Variants in RBFOX3 observed in about 807,000 individuals in gnomAD.
The protein encoded by RBFOX3 is RNA binding fox-1 homolog 3, also known as RNA binding protein fox-1 homolog 3.
Under a neutral mutation model 48.7 loss-of-function variants are expected in RBFOX3, and 17 were observed. That is an observed-to-expected ratio of 0.35 (90% CI 0.24 to 0.52). The LOEUF is 0.52. Ranked by LOEUF, RBFOX3 falls within the 20% of genes least tolerant of loss-of-function variation. The probability of loss-of-function intolerance (pLI) is 0.94; values close to 1 mark genes in which losing one functional copy is unlikely to be tolerated. For missense variants in RBFOX3, 382 were observed against 497.5 expected, an observed-to-expected ratio of 0.77 and a Z score of 2.21; for synonymous variants, 212 against 209.5, an observed-to-expected ratio of 1.01 and a Z score of -0.10.
chr17:79,168,291 C>T (rs1022718238), intron 4 of RBFOX3, among the ~76,000 whole-genome samples: 1 of 152,244 alleles, frequency 6.6e-6, no homozygotes, highest in African/African-American at 2.4e-5. Flanking sequence ...TACTTCCAAC[C>T]CTAAATTAAA....
At chr17:79,257,528 G>T (rs1248920071) in intron 3 of RBFOX3, among the ~76,000 whole-genome samples, 1 of 152,246 alleles carries the variant, frequency 6.6e-6, no homozygotes, top group Non-Finnish European at 1.5e-5. Flanking sequence ...CCAAAGGGCT[G>T]CAGGGCCCAT....
intron 2 of RBFOX3, among the ~76,000 whole-genome samples, chr17:79,389,243 G>A (rs554338450): frequency 9.7e-4 from 147 of 152,306 alleles, no homozygotes; most frequent in African/African-American, 1.3e-3. Context: ...GGTGTGCAAC[G>A]AGAGTTGGTG....
intron 2 of RBFOX3, among the ~76,000 whole-genome samples, chr17:79,456,058 T>C (rs1598770810): frequency 1.3e-5 from 2 of 151,964 alleles, no homozygotes; most frequent in South Asian, 2.1e-4. Flanking sequence ...CTTAAGGACA[T>C]TGTACTGACC....
chr17:79,093,731 G>A (rs1378554090), intron 14 of RBFOX3, among the ~76,000 whole-genome samples: 2 of 151,796 alleles, frequency 1.3e-5, no homozygotes, highest in African/African-American at 4.8e-5. Context: ...CAGGAGGCAG[G>A]TGTCTGCTGG....
chr17:79,469,069 A>G (rs2076732495), intron 2 of RBFOX3, among the ~76,000 whole-genome samples: 1 of 152,186 alleles, frequency 6.6e-6, no homozygotes, highest in South Asian at 2.1e-4. Context: ...ATCGACTGAC[A>G]GACTGACAGA....
At chr17:79,399,446 CG>C (rs2062492908) in intron 2 of RBFOX3, among the ~76,000 whole-genome samples, 1 of 151,992 alleles carries the variant, frequency 6.6e-6, no homozygotes, top group Non-Finnish European at 1.5e-5. Flanking sequence ...GTTTTCCTGG[CG>C]TGACTGCAGG....
At position 79,103,547 on chromosome 17, in the gene RBFOX3, T is replaced by A. The variant is rs1479619093; in HGVS notation, c.415-293A>T. 6.6e-6 allele frequency among the ~76,000 whole-genome samples: 1 copy of A among 152,060 alleles called. No homozygotes were observed. The highest frequency in any genetic ancestry group is 1.5e-5 in the Non-Finnish European group (1 of 67,988). On this transcript the variant is annotated intron_variant, in intron 7 of 14. Transcript: ENST00000693108. The surrounding 1 kb of genome is among the most constrained non-coding windows in gnomAD (Gnocchi z 6.1). ...TCCAAAGGGACAGGCCAAAGCCACATAAGAGACGCCATACCTGACCACAGG... is the reference window on the plus strand; with the variant it reads ...TCCAAAGGGACAGGCCAAAGCCACAAAAGAGACGCCATACCTGACCACAGG...
At chr17:79,466,322 G>A (rs1256800122) in intron 2 of RBFOX3, among the ~76,000 whole-genome samples, 1 of 152,194 alleles carries the variant, frequency 6.6e-6, no homozygotes, top group Non-Finnish European at 1.5e-5. Context: ...CCTGGGGGGC[G>A]GGGGGCGAGC....
intron 2 of RBFOX3, among the ~76,000 whole-genome samples, chr17:79,373,088 C>T (rs1480094978): frequency 6.6e-6 from 1 of 152,144 alleles, no homozygotes; most frequent in East Asian, 1.9e-4. Context: ...AGAGGCCTGG[C>T]CTCCAAAGCT....
chr17:79,092,133 G>A (rs904109784), intron 14 of RBFOX3: 16 of 985,348 alleles, frequency 1.6e-5, no homozygotes, highest in African/African-American at 8.7e-5. Context: ...GCCATGGCAC[G>A]GGGCTGGTCG....
intron 4 of RBFOX3, among the ~76,000 whole-genome samples, chr17:79,131,749 A>G (rs2038970399): frequency 6.6e-6 from 1 of 152,192 alleles, no homozygotes; most frequent in African/African-American, 2.4e-5. Flanking sequence ...GACCTGGTAG[A>G]AACCACTGGC....
intron 4 of RBFOX3, among the ~76,000 whole-genome samples, chr17:79,143,054 T>C (rs8082420): frequency 0.5 from 75,554 of 151,958 alleles, 19,886 homozygotes; most frequent in Non-Finnish European, 0.59. Flanking sequence ...GCACATCTGC[T>C]TCCCATCTGT....
At chr17:79,095,653 C>A in intron 12 of RBFOX3, 79 bp from the exon 13 acceptor site, 1 of 1,310,866 alleles carries the variant, frequency 7.6e-7, no homozygotes, top group South Asian at 1.3e-5. Context: ...GGAGAGGAGA[C>A]AGACCCTGTG....
chr17:79,493,370 A>G (rs2080980620), intron 1 of RBFOX3, among the ~76,000 whole-genome samples: 1 of 152,182 alleles, frequency 6.6e-6, no homozygotes, highest in African/African-American at 2.4e-5. Context: ...AAACCGTATC[A>G]AGAGCATTTC....
At chr17:79,240,034 C>T (rs1442182912) in intron 3 of RBFOX3, among the ~76,000 whole-genome samples, 1 of 152,158 alleles carries the variant, frequency 6.6e-6, no homozygotes, top group Non-Finnish European at 1.5e-5. Context: ...TCGCACTAGT[C>T]CCTCCAAAGA....
chr17:79,574,103 A>G (rs1243926517), intron 1 of RBFOX3, among the ~76,000 whole-genome samples: 1 of 152,182 alleles, frequency 6.6e-6, no homozygotes, highest in Non-Finnish European at 1.5e-5. Flanking sequence ...GGTTGTTTAA[A>G]AAGTCCTCAC....
intron 1 of RBFOX3, among the ~76,000 whole-genome samples, chr17:79,579,117 T>G (rs2092959746): frequency 6.6e-6 from 1 of 152,238 alleles, no homozygotes; most frequent in Non-Finnish European, 1.5e-5. Context: ...TGCCCAGCTC[T>G]GCTTCCCACT....
intron 4 of RBFOX3, among the ~76,000 whole-genome samples, chr17:79,138,704 C>T (rs1252567547): frequency 1.3e-4 from 7 of 51,910 alleles, no homozygotes; most frequent in African/African-American, 2.6e-4. Context: ...ACAGCACATG[C>T]GTTCACACCC....
intron 4 of RBFOX3, among the ~76,000 whole-genome samples, chr17:79,126,307 G>T (rs1236946264): frequency 1.3e-5 from 2 of 152,232 alleles, no homozygotes; most frequent in African/African-American, 4.8e-5. Context: ...TGGGGTGGGG[G>T]CCAGAGCCAT....
Sources: gnomAD v4.1 joint callset for allele counts (sites outside exome capture counted in the v4.1 genomes callset) on GRCh38, gnomAD v4.1.1 for gene constraint, Gnocchi (gnomAD v3.1) non-coding constraint, MANE v1.5 for transcripts, NCBI Gene and HGNC (gene_info 2026-07-23, HGNC 2026-07-21) for gene names.